The following CAPN11 variants were observed in gnomAD, a reference collection of about 807,000 sequenced individuals.
The protein encoded by CAPN11 is calpain-11.
Under a neutral mutation model 105.3 loss-of-function variants are expected in CAPN11, and 108 were observed. That is an observed-to-expected ratio of 1.03 (90% CI 0.88 to 1.20). CAPN11 has a LOEUF of 1.20. Ranked by LOEUF, CAPN11 falls within the 50% of genes most tolerant of loss-of-function variation. The probability of loss-of-function intolerance (pLI) is 0.00; values close to 1 mark genes in which losing one functional copy is unlikely to be tolerated. For synonymous variants in CAPN11, 329 were observed against 344.5 expected (o/e 0.96, Z 0.50); for missense variants, 883 against 924.8 (o/e 0.95, Z 0.59).
Position 44,180,622 on chromosome 6 carries a change from A to T in CAPN11, c.1706A>T (p.Asp569Val). ...GAAAAGGTCTCTGAGGATGACATGG[A>T]CCAGGACTTCCTACATTTGTTTAAG... ...QEEKVSEDDM[D>V]QDFLHLFKIV... The change falls in exon 16 of 23, where the codon GAC (aspartate) becomes GTC (valine). Residue 569 changes from aspartate to valine, a missense_variant. Transcript: ENST00000398776. 6.2e-7 allele frequency: 1 copy of T among 1,613,746 alleles called. No individual in the cohort carries two copies. The highest frequency in any genetic ancestry group is 8.5e-7 in the Non-Finnish European group (1 of 1,179,822).
intron 4 of CAPN11, among the ~76,000 whole-genome samples, chr6:44,170,987 G>C (rs9369460): frequency 6.6e-6 from 1 of 151,966 alleles, no homozygotes; most frequent in African/African-American, 2.4e-5. Context: ...TGTGGGCAGA[G>C]CAGAGGCCAA....
chr6:44,177,928 G>T (rs546673760), intron 12 of CAPN11, among the ~76,000 whole-genome samples: 1 of 152,052 alleles, frequency 6.6e-6, no homozygotes, highest in African/African-American at 2.4e-5. Flanking sequence ...CGTGATTACG[G>T]CTCACAGCGG....
At chr6:44,175,601 C>A (rs1436293616) in intron 7 of CAPN11, among the ~76,000 whole-genome samples, 1 of 152,002 alleles carries the variant, frequency 6.6e-6, no homozygotes, top group Non-Finnish European at 1.5e-5. Flanking sequence ...CATGGTAAAA[C>A]CCCATCTATA....
At chr6:44,172,228 A>G (rs1771134978) in intron 4 of CAPN11, 74 bp from the exon 5 acceptor site, 2 of 964,528 alleles carry the variant, frequency 2.1e-6, no homozygotes, top group Non-Finnish European at 1.6e-6. Context: ...CTGCTCCCCT[A>G]GGCCTTGGAT....
intron 1 of CAPN11, 68 bp downstream of exon 1, chr6:44,158,932 G>C: frequency 7.2e-7 from 1 of 1,392,644 alleles, no homozygotes. Context: ...CCCAGGGGAG[G>C]AGCTGTGTCC....
At chr6:44,168,096 C>T (rs1329305461) in intron 2 of CAPN11, among the ~76,000 whole-genome samples, 1 of 152,050 alleles carries the variant, frequency 6.6e-6, no homozygotes, top group Non-Finnish European at 1.5e-5. Context: ...GTTATGCATC[C>T]AACACCACAA....
intron 22 of CAPN11, 67 bp downstream of exon 22, chr6:44,183,830 C>T: frequency 6.3e-7 from 1 of 1,577,338 alleles, no homozygotes; most frequent in South Asian, 1.1e-5. Flanking sequence ...CCCACCCCCA[C>T]CCAGCTCTGA....
intron 1 of CAPN11, among the ~76,000 whole-genome samples, chr6:44,159,760 A>G (rs1306466964): frequency 1.3e-5 from 2 of 152,000 alleles, no homozygotes; most frequent in Non-Finnish European, 2.9e-5. Context: ...CTGACACAAC[A>G]TCTTAGTTTT....
chr6:44,180,175 C>T lies in CAPN11; in HGVS notation c.1640+12C>T, dbSNP rs775109488. On this transcript the variant is annotated intron_variant, in intron 14 of 22. Transcript: ENST00000398776. ...CACAGCGAGTCATGGTAAGGGGCTG[C>T]AGCTCACTGCTCCAAGGCCCGCCAC... 1.0e-4 allele frequency: 166 copies of T among 1,587,784 alleles called. 1 individual carries two copies. The highest frequency in any genetic ancestry group is 6.2e-4 in the Middle Eastern group (3 of 4,814).
Position 44,184,325 on chromosome 6 carries a change from A to AGAT in CAPN11, c.*393_*394insGAT. The AGAT allele has an allele frequency of 4.2e-6, 1 of 239,344 alleles. No homozygotes were observed. The highest frequency in any genetic ancestry group is 8.2e-6 in the Non-Finnish European group (1 of 121,786). 14.8% of individuals were successfully genotyped at this position (239,344 alleles called of 1,614,324 possible). Reference sequence around the variant, plus strand: ...CTGTCCTGCTCACACCTACCTGCTGACCACCCATCCTGGCACAGCCTCTGT... The same window carrying AGAT: ...CTGTCCTGCTCACACCTACCTGCTGAGATCCACCCATCCTGGCACAGCCTCTGT... On this transcript the variant is annotated 3_prime_UTR_variant, in exon 23 of 23. Transcript: ENST00000398776.
chr6:44,160,421 T>C (rs896823376), intron 1 of CAPN11, among the ~76,000 whole-genome samples: 2 of 152,004 alleles, frequency 1.3e-5, no homozygotes, highest in Non-Finnish European at 2.9e-5. Context: ...ATCGGGACCA[T>C]CTTGGCTAAC....
rs930449329 is a variant in CAPN11, at chr6:44,176,761, T to A, written c.1077-77T>A. On this transcript the variant is annotated intron_variant, in intron 10 of 22. Transcript: ENST00000398776. ...CTTGGATGGGGAGGCTTGGGGTGGT[T>A]GTGGGGGGTGGTTCAGGGAGAGGGA... is the stretch of plus-strand genomic sequence containing the variant. The A allele has an allele frequency of 2.5e-6, 4 of 1,583,882 alleles. No homozygotes were observed. In the African/African-American group the frequency reaches 5.4e-5, roughly 21 times the overall value.
At position 44,163,142 on chromosome 6, in the gene CAPN11, C is replaced by G. The variant is rs1186378458; in HGVS notation, c.17-3616C>G. Among the ~76,000 whole-genome samples the G allele has an allele frequency of 3.9e-5, 6 of 152,288 alleles. No homozygotes were observed. The South Asian group carries it at 1.2e-3, about 32-fold the overall frequency. ...GCATTCTTCAATCCTGAAACACCCTCGCAGGTAGAATGCAGCAGCCTCTAT... is the reference window on the plus strand; with the variant it reads ...GCATTCTTCAATCCTGAAACACCCTGGCAGGTAGAATGCAGCAGCCTCTAT... On this transcript the variant is annotated intron_variant, in intron 1 of 22. Coordinates refer to ENST00000398776, the MANE Select transcript of CAPN11 (RefSeq NM_007058.4).
intron 2 of CAPN11, chr6:44,168,920 CTATTTATT>C: frequency 2.3e-6 from 1 of 443,112 alleles, no homozygotes; most frequent in South Asian, 1.6e-5. Flanking sequence ...CACACCCAGC[CTATTTATT>C]TATTTTTTTT....
In CAPN11 at chr6:44,184,223, T is replaced by G; in HGVS notation, c.*291T>G. 6.3e-6 allele frequency: 3 copies of G among 476,006 alleles called. No homozygotes were observed. The highest frequency in any genetic ancestry group is 1.1e-5 in the Non-Finnish European group (3 of 264,018). 29.5% of individuals were successfully genotyped at this position (476,006 alleles called of 1,614,324 possible). On this transcript the variant is annotated 3_prime_UTR_variant, in exon 23 of 23. Coordinates refer to ENST00000398776, the MANE Select transcript of CAPN11 (RefSeq NM_007058.4). ...TATTTTACTAAAGAGTAGTTGATGC[T>G]TCCCCAGGGTCCCCCTGGCTGGGGA...
rs1561852304 is a variant in CAPN11, at chr6:44,180,205, GA to G, written c.1640+43del. On this transcript the variant is annotated intron_variant, in intron 14 of 22. Coordinates refer to ENST00000398776, the MANE Select transcript of CAPN11 (RefSeq NM_007058.4). ...CACTGCTCCAAGGCCCGCCACCCAA[GA>G]GCTGCAGGATATCAAGCTCAGGGAG... 3 of 1,404,688 alleles carry G rather than the reference GA, an allele frequency of 2.1e-6. No homozygotes were observed. The African/African-American group carries it at 4.3e-5, about 20-fold the overall frequency. 87.0% of individuals were successfully genotyped at this position (1,404,688 alleles called of 1,614,324 possible).
intron 19 of CAPN11, among the ~76,000 whole-genome samples, chr6:44,182,306 C>CACAT (rs1554132529): frequency 0.022 from 1,456 of 66,610 alleles, 118 homozygotes; most frequent in East Asian, 0.049. Flanking sequence ...CACACACACA[C>CACAT]ACACACTCAC....
In CAPN11 at chr6:44,181,593, T is replaced by TC. The variant is rs1773429366; in HGVS notation, c.1938+273_1938+274insC. Among the ~76,000 whole-genome samples the TC allele has an allele frequency of 1.7e-4, 2 of 11,734 alleles. 1 individual carries two copies. 7.7% of individuals were successfully genotyped at this position (11,734 alleles called of 152,430 possible). ...ACCACACCACACATACACACTCACA[T>TC]ACAGACACAACCACACCACACTCAC... On this transcript the variant is annotated intron_variant, in intron 19 of 22. Transcript: ENST00000398776.
Position 44,173,317 on chromosome 6 carries a change from C to T in CAPN11, c.762C>T (p.Pro254=), listed in dbSNP as rs780172016. 3 of 1,613,904 alleles carry T rather than the reference C, an allele frequency of 1.9e-6. No homozygotes were observed. The highest frequency in any genetic ancestry group is 2.5e-6 in the Non-Finnish European group (3 of 1,179,862). Reference sequence around the variant, plus strand: ...CCCAGAGCTTCCAACTCCAGAGGCCCCCTCAGAACCTGCTCAGGCTCCTTA... The same window carrying T: ...CCCAGAGCTTCCAACTCCAGAGGCCTCCTCAGAACCTGCTCAGGCTCCTTA... ...GVAQSFQLQR[P]PQNLLRLLRK... The change falls in exon 7 of 23, where the codon CCC becomes CCT. Residue 254 remains proline, a synonymous_variant. Transcript: ENST00000398776.
Sources: allele counts gnomAD v4.1 joint callset (sites outside exome capture counted in the v4.1 genomes callset), GRCh38; gene constraint gnomAD v4.1.1; transcripts MANE v1.5; gene names NCBI Gene and HGNC (gene_info 2026-07-23, HGNC 2026-07-21).